Variants in HERC4 observed in about 807,000 individuals in gnomAD.
HERC4 encodes HECT and RLD domain containing E3 ubiquitin protein ligase 4.
HERC4 carries 28 observed loss-of-function variants against 124.3 expected under a neutral mutation model. The observed-to-expected ratio is 0.23, with a 90% CI of 0.17 to 0.31. The LOEUF (loss-of-function observed/expected upper bound fraction) is 0.31. Ranked by LOEUF, HERC4 falls within the 10% of genes least tolerant of loss-of-function variation. The pLI is 1.00. For missense variants in HERC4, 713 were observed against 1,229.3 expected, an observed-to-expected ratio of 0.58 and a Z score of 6.28; for synonymous variants, 407 against 421.5, an observed-to-expected ratio of 0.97 and a Z score of 0.42.
Position 68,043,307 on chromosome 10 carries a change from AAC to A in HERC4, c.386+1095_386+1096del, listed in dbSNP as rs559642947. On this transcript the variant is annotated intron_variant, in intron 4 of 24. Coordinates refer to ENST00000373700, the MANE Select transcript of HERC4 (RefSeq NM_015601.4). The stretch of plus-strand genomic sequence containing the variant: ...AACATGCAAATCTCTTTTCATCCTA[AAC>A]ACAGTTTTTTAAAAATCTTAAATTT... Among the ~76,000 whole-genome samples the A allele has an allele frequency of 3.0e-4, 45 of 152,334 alleles. No individual in the cohort carries two copies. In the South Asian group the frequency reaches 8.3e-3, roughly 28 times the overall value.
intron 9 of HERC4, among the ~76,000 whole-genome samples, chr10:68,005,855 T>G (rs1210594714): frequency 6.6e-6 from 1 of 152,056 alleles, no homozygotes; most frequent in African/African-American, 2.4e-5. Context: ...GCATGTGCCA[T>G]GATGCCAGGC....
In HERC4 at chr10:67,948,515, A is replaced by T. The variant is rs1246486335; in HGVS notation, c.2337+6080T>A. ...ACAAGGATAGCCATAATAAAAAAAT[A>T]AAAAAACAGTAGATGTTGGCGTGGA... is the stretch of plus-strand genomic sequence containing the variant. On this transcript the variant is annotated intron_variant, in intron 19 of 24. Coordinates refer to ENST00000373700, the MANE Select transcript of HERC4 (RefSeq NM_015601.4). Among the ~76,000 whole-genome samples the T allele has an allele frequency of 3.3e-5, 5 of 152,310 alleles. No individual in the cohort carries two copies. In the South Asian group the frequency reaches 1.0e-3, roughly 32 times the overall value.
At chr10:68,023,903 A>G (rs1332127949) in intron 8 of HERC4, among the ~76,000 whole-genome samples, 2 of 152,194 alleles carry the variant, frequency 1.3e-5, no homozygotes, top group Non-Finnish European at 2.9e-5. Flanking sequence ...TTATGCCTTC[A>G]GGTAGGAAAA....
rs946747203 is a variant in HERC4 at position 68,070,195 on chromosome 10, T to C, written c.226+2688A>G. On this transcript the variant is annotated intron_variant, in intron 3 of 24. Coordinates refer to ENST00000373700, the MANE Select transcript of HERC4 (RefSeq NM_015601.4). The stretch of plus-strand genomic sequence containing the variant: ...AACTTTTTATCTTTTAATCCAGTCC[T>C]CAAATTCACAAATTTAAAAAGGGGT... The C allele has an allele frequency of 5.1e-6, 5 of 984,540 alleles. No homozygotes were observed. In the African/African-American group the frequency reaches 8.7e-5, roughly 17 times the overall value. The allele number at this position is 984,540 out of a possible 1,614,324, so 61.0% of individuals were successfully genotyped here. A position where few individuals can be genotyped will look rare whatever the true frequency, so the allele number is the denominator to read the frequency against.
At chr10:67,999,391 T>C (rs1435751400) in intron 9 of HERC4, among the ~76,000 whole-genome samples, 2 of 152,208 alleles carry the variant, frequency 1.3e-5, no homozygotes, top group Non-Finnish European at 2.9e-5. Context: ...TCTGCTCTGA[T>C]GCTTGCCTGA....
At chr10:67,946,397 A>AC (rs2033356315) in intron 19 of HERC4, among the ~76,000 whole-genome samples, 77 of 143,926 alleles carry the variant, frequency 5.3e-4, no homozygotes, top group Admixed American at 1.0e-3. Flanking sequence ...ACACACACAC[A>AC]AGACCCAATG....
intron 5 of HERC4, 41 bp downstream of exon 5, chr10:68,038,052 T>A (rs368333203): frequency 4.5e-6 from 5 of 1,099,012 alleles, no homozygotes; most frequent in Non-Finnish European, 6.7e-6. Context: ...AAGTATCAAG[T>A]AATAAAACTG....
intron 15 of HERC4, among the ~76,000 whole-genome samples, chr10:67,985,911 CAGAGTT>C (rs1414866232): frequency 6.6e-6 from 1 of 152,176 alleles, no homozygotes; most frequent in African/African-American, 2.4e-5. Flanking sequence ...AATCATCCTC[CAGAGTT>C]AGAGAAAGAA....
intron 16 of HERC4, chr10:67,965,124 G>A (rs2034780302): frequency 6.6e-6 from 1 of 152,010 alleles, no homozygotes; most frequent in Non-Finnish European, 1.5e-5. Context: ...TTTCACCTCA[G>A]GTATTTTACC....
chr10:67,972,351 A>G (rs2035291436), intron 15 of HERC4, among the ~76,000 whole-genome samples: 1 of 151,036 alleles, frequency 6.6e-6, no homozygotes, highest in Non-Finnish European at 1.5e-5. Flanking sequence ...GAGAAACCCC[A>G]TCTCTACTAA....
intron 21 of HERC4, among the ~76,000 whole-genome samples, chr10:67,938,146 A>C (rs192241672): frequency 6.6e-6 from 1 of 152,032 alleles, no homozygotes; most frequent in Non-Finnish European, 1.5e-5. Context: ...CAAAAAATTT[A>C]AAAAATAAAA....
intron 4 of HERC4, chr10:68,040,425 C>T (rs1442994827): frequency 1.1e-6 from 1 of 895,564 alleles, no homozygotes; most frequent in African/African-American, 1.8e-5. Flanking sequence ...TTAAAAAATA[C>T]TGTGAATGGT....
At chr10:67,924,779 G>T (rs2030686760) in intron 24 of HERC4, among the ~76,000 whole-genome samples, 1 of 152,184 alleles carries the variant, frequency 6.6e-6, no homozygotes, top group Non-Finnish European at 1.5e-5. Context: ...ATACTCCAGA[G>T]ATCTTTTTAG....
intron 4 of HERC4, chr10:68,040,318 A>G: frequency 1.0e-6 from 1 of 964,216 alleles, no homozygotes; most frequent in South Asian, 4.8e-5. Flanking sequence ...TACTGTGTTA[A>G]AGAAAAAACT....
At chr10:68,009,501 A>G (rs930761117) in intron 9 of HERC4, among the ~76,000 whole-genome samples, 1 of 152,158 alleles carries the variant, frequency 6.6e-6, no homozygotes, top group Non-Finnish European at 1.5e-5. Context: ...CTTTATTGCT[A>G]AAAAATGCTA....
At chr10:68,055,924 G>T (rs760694487) in intron 3 of HERC4, among the ~76,000 whole-genome samples, 1 of 151,962 alleles carries the variant, frequency 6.6e-6, no homozygotes, top group East Asian at 1.9e-4. Flanking sequence ...GCTAATTTTT[G>T]TATTTTTAGT....
intron 7 of HERC4, among the ~76,000 whole-genome samples, chr10:68,027,852 G>A (rs1419578957): frequency 6.6e-6 from 1 of 151,824 alleles, no homozygotes; most frequent in East Asian, 1.9e-4. Context: ...GAATCCAGGA[G>A]ATGGAAGCCT....
chr10:67,979,553 T>C (rs1317300506), intron 15 of HERC4, among the ~76,000 whole-genome samples: 1 of 151,974 alleles, frequency 6.6e-6, no homozygotes, highest in Non-Finnish European at 1.5e-5. Context: ...GACAGAGAAC[T>C]TCCCAAACAT....
intron 8 of HERC4, among the ~76,000 whole-genome samples, chr10:68,017,796 A>G (rs1478214709): frequency 2.0e-5 from 3 of 152,188 alleles, no homozygotes; most frequent in African/African-American, 7.2e-5. Flanking sequence ...GCCTATGTCA[A>G]TAAGTCTAAA....
Sources: allele counts gnomAD v4.1 joint callset (sites outside exome capture counted in the v4.1 genomes callset), GRCh38; gene constraint gnomAD v4.1.1; transcripts MANE v1.5; gene names NCBI Gene and HGNC (gene_info 2026-07-23, HGNC 2026-07-21).